The following BAX variants were observed in gnomAD, a reference collection of about 807,000 sequenced individuals.
The protein encoded by BAX is apoptosis regulator BAX.
BAX carries 21 observed loss-of-function variants against 26.8 expected under a neutral mutation model. That is an observed-to-expected ratio of 0.78 (90% CI 0.56 to 1.13). The LOEUF (loss-of-function observed/expected upper bound fraction) is 1.13. BAX is among the 50% of genes most tolerant of loss of function. The probability of loss-of-function intolerance (pLI) is 0.00; values close to 1 mark genes in which losing one functional copy is unlikely to be tolerated. For synonymous variants in BAX, 110 were observed against 101.8 expected (o/e 1.08, Z -0.49); for missense variants, 236 against 254.6 (o/e 0.93, Z 0.50).
At chr19:48,955,927 G>A (rs1265067425) in intron 3 of BAX, 94 bp downstream of exon 3, 21 of 1,433,658 alleles carry the variant, frequency 1.5e-5, no homozygotes, top group Admixed American at 2.5e-5. Flanking sequence ...CTAAGAACTA[G>A]GAGTCTGGGC....
rs202190487 is a variant in BAX, at chr19:48,956,230, G to A, written c.266G>A (p.Arg89Gln). ...MIAAVDTDSP[R>Q]EVFFRVAADM... is the part of the protein sequence containing the mutation. ...GCCGCCGTGGACACAGACTCCCCCC[G>A]AGAGGTCTTTTTCCGAGTGGCAGCT... The change falls in exon 4 of 6, where the codon CGA (arginine) becomes CAA (glutamine). Residue 89 changes from arginine (R) to glutamine (Q), a missense_variant. Physicochemically the swap from Arg to Gln is conservative, Grantham distance 43 (BLOSUM62 1). Coordinates refer to ENST00000345358, the MANE Select transcript of BAX (RefSeq NM_138761.4). 2.6e-5 allele frequency: 42 copies of A among 1,585,666 alleles called. No homozygotes were observed. The highest frequency in any genetic ancestry group is 7.1e-5 in the East Asian group (3 of 42,470).
rs4645895 is a variant in BAX, at chr19:48,958,085, C to CG, written c.369+1760dup. Among the ~76,000 whole-genome samples, 125 of 56,904 alleles carry CG rather than the reference C, an allele frequency of 2.2e-3. 1 individual carries two copies. The highest frequency in any genetic ancestry group is 0.011 in the East Asian group (15 of 1,364). The allele number at this position is 56,904 out of a possible 152,430, so 37.3% of individuals were successfully genotyped here. A position where few individuals can be genotyped will look rare whatever the true frequency, so the allele number is the denominator to read the frequency against. On this transcript the variant is annotated intron_variant, in intron 4 of 5. Coordinates refer to ENST00000345358, the MANE Select transcript of BAX (RefSeq NM_138761.4). ...AGCCCTGGTGGTAGCAGCAGAGGTG[C>CG]GGGGGGGGCATTTTTTTTTTTAAGA...
intron 4 of BAX, among the ~76,000 whole-genome samples, chr19:48,959,826 C>CAA (rs764008422): frequency 3.4e-5 from 4 of 118,706 alleles, no homozygotes; most frequent in Admixed American, 8.7e-5. Flanking sequence ...AACTCTATCT[C>CAA]AAAAAAAAAA....
chr19:48,954,992 G>C, intron 1 of BAX, 30 bp downstream of exon 1: 1 of 1,240,180 alleles, frequency 8.1e-7, no homozygotes, highest in Non-Finnish European at 1.0e-6. Flanking sequence ...GGCGGGAGGA[G>C]GGCGAGCCCC....
intron 4 of BAX, among the ~76,000 whole-genome samples, chr19:48,958,881 C>T (rs892969423): frequency 1.7e-4 from 25 of 150,580 alleles, no homozygotes; most frequent in African/African-American, 5.8e-4. Flanking sequence ...CAAGATTGAG[C>T]TGATGGGGCC....
intron 4 of BAX, chr19:48,960,104 G>A (rs571885362): frequency 1.8e-5 from 6 of 338,222 alleles, no homozygotes; most frequent in Admixed American, 1.1e-4. Flanking sequence ...TGTGCCTTCG[G>A]GTCTTCATCC....
intron 4 of BAX, among the ~76,000 whole-genome samples, chr19:48,959,912 G>A (rs1242291418): frequency 6.7e-6 from 1 of 150,162 alleles, no homozygotes; most frequent in East Asian, 2.0e-4. Flanking sequence ...AGAATTGCTT[G>A]AACCCAGAAG....
Position 48,961,552 on chromosome 19 carries a change from TG to T in BAX, c.498del (p.Thr167ArgfsTer7). On this transcript the variant is annotated frameshift_variant, in exon 6 of 6. Coordinates refer to ENST00000345358, the MANE Select transcript of BAX (RefSeq NM_138761.4). LOFTEE classifies it high-confidence loss of function. ...GGWDGLLSYF[G>X]TPTWQTVTIF... Reference sequence around the variant, plus strand: ...TCCAGGACGGCCTCCTCTCCTACTTTGGGACGCCCACGTGGCAGACCGTGAC... The same window carrying T: ...TCCAGGACGGCCTCCTCTCCTACTTTGGACGCCCACGTGGCAGACCGTGAC... The T allele has an allele frequency of 1.2e-6, 2 of 1,610,454 alleles. No homozygotes were observed. The highest frequency in any genetic ancestry group is 1.7e-5 in the Admixed American group (1 of 59,638).
In BAX at chr19:48,956,201, G is replaced by A; in HGVS notation, c.237G>A (p.Met79Ile). The change falls in exon 4 of 6, where the codon ATG becomes ATA. Residue 79 changes from methionine to isoleucine, a missense_variant. Physicochemically the swap from Met to Ile is conservative, Grantham distance 10. Coordinates refer to ENST00000345358, the MANE Select transcript of BAX (RefSeq NM_138761.4). ...ELDSNMELQRMIAAVDTDSPR... is the reference protein window; with the variant it reads ...ELDSNMELQRIIAAVDTDSPR... The stretch of plus-strand genomic sequence containing the variant: ...CTGGTTCTCCTCTCTCCTGCAGGAT[G>A]ATTGCCGCCGTGGACACAGACTCCC... 5 of 1,530,918 alleles carry A rather than the reference G, an allele frequency of 3.3e-6. No individual in the cohort carries two copies. Among genetic ancestry groups the A allele is most frequent in the Non-Finnish European group, 4.4e-6 (5 of 1,139,052 alleles). The allele number at this position is 1,530,918 out of a possible 1,614,324, so 94.8% of individuals were successfully genotyped here.
chr19:48,961,468 C>T (rs530189252), intron 5 of BAX, 64 bp from the exon 6 acceptor site: 3 of 1,431,894 alleles, frequency 2.1e-6, no homozygotes, highest in Non-Finnish European at 2.9e-6. Context: ...CCTGATCCCG[C>T]CTCTGCCTGC....
At chr19:48,955,010 GC>G in intron 1 of BAX, 48 bp downstream of exon 1, 1 of 1,239,806 alleles carries the variant, frequency 8.1e-7, no homozygotes, top group Non-Finnish European at 1.0e-6. Context: ...CCCCTCGCCG[GC>G]CCGTCCGGGA....
chr19:48,955,874 CCTT>C (rs1374986629), intron 3 of BAX, 41 bp downstream of exon 3: 1 of 1,538,818 alleles, frequency 6.5e-7, no homozygotes, highest in Admixed American at 2.0e-5. Context: ...CCACTGGGCT[CCTT>C]CAGGACACAG....
At chr19:48,956,137 G>A (rs2038119297) in intron 3 of BAX, 61 bp from the exon 4 acceptor site, 1 of 1,456,722 alleles carries the variant, frequency 6.9e-7, no homozygotes. Flanking sequence ...GGTGGATGCG[G>A]GAATTTTCCA....
chr19:48,956,160 TG>T (rs1273986134), intron 3 of BAX, 37 bp from the exon 4 acceptor site: 8 of 1,482,954 alleles, frequency 5.4e-6, no homozygotes, highest in Non-Finnish European at 7.2e-6. Flanking sequence ...ATCAGCCTGA[TG>T]CCTGCTCCCC....
chr19:48,957,270 T>C (rs529703632), intron 4 of BAX, among the ~76,000 whole-genome samples: 9 of 115,210 alleles, frequency 7.8e-5, no homozygotes, highest in African/African-American at 1.9e-4. Context: ...CTTTTCTTTT[T>C]TTTTTTTTTT....
chr19:48,961,711 G>T lies in BAX; in HGVS notation c.*75G>T. 1 of 1,179,196 alleles carries T rather than the reference G, an allele frequency of 8.5e-7. No homozygotes were observed. Among genetic ancestry groups the T allele is most frequent in the East Asian group, 2.9e-5 (1 of 33,938 alleles). 73.0% of individuals were successfully genotyped at this position (1,179,196 alleles called of 1,614,324 possible). A position where few individuals can be genotyped will look rare whatever the true frequency, so the allele number is the denominator to read the frequency against. On this transcript the variant is annotated 3_prime_UTR_variant, in exon 6 of 6. Transcript: ENST00000345358. ...TTTCTGGGAGGGGTGGGGATTGGGGGACGTGGGCATTTTTCTTACTTTTGT... is the reference window on the plus strand; with the variant it reads ...TTTCTGGGAGGGGTGGGGATTGGGGTACGTGGGCATTTTTCTTACTTTTGT...
chr19:48,957,554 C>T (rs750537212), intron 4 of BAX, among the ~76,000 whole-genome samples: 4 of 151,976 alleles, frequency 2.6e-5, no homozygotes, highest in Non-Finnish European at 4.4e-5. Flanking sequence ...GGATTACAGG[C>T]GTGAACCACT....
chr19:48,955,486 C>A, intron 1 of BAX, 62 bp from the exon 2 acceptor site: 1 of 1,548,346 alleles, frequency 6.5e-7, no homozygotes, highest in South Asian at 1.2e-5. Flanking sequence ...TGAGTCTCCA[C>A]AGTCTCCTGA....
intron 4 of BAX, among the ~76,000 whole-genome samples, chr19:48,957,986 G>C (rs2122363206): frequency 6.6e-6 from 1 of 152,220 alleles, no homozygotes; most frequent in East Asian, 1.9e-4. Context: ...GGCCAAAAGA[G>C]ATCATGAGGC....
Sources: gnomAD v4.1 joint callset for allele counts (sites outside exome capture counted in the v4.1 genomes callset) on GRCh38, gnomAD v4.1.1 for gene constraint, MANE v1.5 for transcripts, NCBI Gene and HGNC (gene_info 2026-07-23, HGNC 2026-07-21) for gene names.